The following UNC5B variants were observed in gnomAD, a reference collection of about 807,000 sequenced individuals.
UNC5B encodes the protein unc-5 netrin receptor B.
In UNC5B, 56 loss-of-function variants were observed where a neutral mutation model predicts 103.7. That is an observed-to-expected ratio of 0.54 (90% CI 0.44 to 0.67). UNC5B has a LOEUF of 0.67. Ranked by LOEUF, UNC5B falls within the 30% of genes least tolerant of loss-of-function variation. The pLI, the probability that UNC5B is intolerant of heterozygous loss-of-function variation, is 0.00. For synonymous variants in UNC5B, 577 were observed against 542.0 expected (o/e 1.06, Z -0.90); for missense variants, 1,194 against 1,284.5 (o/e 0.93, Z 1.08).
At chr10:71,249,993 G>T (rs575035296) in intron 1 of UNC5B, among the ~76,000 whole-genome samples, 15 of 152,328 alleles carry the variant, frequency 9.8e-5, no homozygotes, top group Non-Finnish European at 1.9e-4. Context: ...ACAGCCCAGA[G>T]GAGCTAAGTG....
At position 71,285,453 on chromosome 10, in the gene UNC5B, T is replaced by C. The variant is rs1845050689; in HGVS notation, c.552+24T>C. The C allele has an allele frequency of 1.9e-6, 3 of 1,553,810 alleles. No homozygotes were observed. In the African/African-American group the frequency reaches 4.1e-5, roughly 21 times the overall value. The stretch of plus-strand genomic sequence containing the variant: ...AGGTGAGCGGGGACGTAGGGACCAC[T>C]GAGCACGGCCCTGTGGCCATGCCTG... On this transcript the variant is annotated intron_variant, in intron 4 of 16. Coordinates refer to ENST00000335350, the MANE Select transcript of UNC5B (RefSeq NM_170744.5).
chr10:71,262,382 G>T (rs574434859), intron 1 of UNC5B, among the ~76,000 whole-genome samples: 1 of 151,328 alleles, frequency 6.6e-6, no homozygotes, highest in South Asian at 2.1e-4. Flanking sequence ...TGGCTGGGGG[G>T]ATGGGGCAGG....
chr10:71,292,623 C>T, intron 11 of UNC5B, 69 bp downstream of exon 11: 1 of 1,403,830 alleles, frequency 7.1e-7, no homozygotes, highest in East Asian at 2.5e-5. Flanking sequence ...ACACGTGGCT[C>T]CCCTTCTAAG....
At chr10:71,226,205 G>A (rs1174244436) in intron 1 of UNC5B, among the ~76,000 whole-genome samples, 1 of 152,076 alleles carries the variant, frequency 6.6e-6, no homozygotes, top group East Asian at 1.9e-4. Context: ...CTCTCAAGTA[G>A]CTGGGATTAC....
At chr10:71,214,923 C>A (rs1193090802) in intron 1 of UNC5B, among the ~76,000 whole-genome samples, 2 of 152,174 alleles carry the variant, frequency 1.3e-5, no homozygotes, top group Non-Finnish European at 2.9e-5. Context: ...TGATTTCTCA[C>A]CAGCGAGCAG....
chr10:71,276,823 G>A (rs973747976), intron 1 of UNC5B, among the ~76,000 whole-genome samples: 1 of 152,260 alleles, frequency 6.6e-6, no homozygotes, highest in African/African-American at 2.4e-5. Context: ...GGAACCTCAG[G>A]TGGGCCTCTC....
At chr10:71,252,245 T>G (rs1320173247) in intron 1 of UNC5B, among the ~76,000 whole-genome samples, 1 of 152,240 alleles carries the variant, frequency 6.6e-6, no homozygotes, top group East Asian at 1.9e-4. Context: ...TCAAATGGGC[T>G]AACTTTGGGC....
rs189432140 is a variant in UNC5B at position 71,275,294 on chromosome 10, G to A, written c.80-4527G>A. Among the ~76,000 whole-genome samples, 1,015 of 152,336 alleles carry A rather than the reference G, an allele frequency of 6.7e-3. 6 individuals are homozygous for A. The highest frequency in any genetic ancestry group is 0.01 in the Non-Finnish European group (694 of 68,032). ...TCATGTGGGAATTTTCCTGCCAGCA[G>A]GAAACCCAGATCCGGCCTGGCTGAG... is the stretch of plus-strand genomic sequence containing the variant. On this transcript the variant is annotated intron_variant, in intron 1 of 16. Coordinates refer to ENST00000335350, the MANE Select transcript of UNC5B (RefSeq NM_170744.5).
chr10:71,280,102 G>A, intron 2 of UNC5B, 57 bp downstream of exon 2: 1 of 1,577,614 alleles, frequency 6.3e-7, no homozygotes, highest in Non-Finnish European at 8.7e-7. Context: ...AGAGGCACAG[G>A]CCTAGCTCCA....
chr10:71,218,330 G>A (rs1222817119), intron 1 of UNC5B: 1 of 152,374 alleles, frequency 6.6e-6, no homozygotes, highest in Non-Finnish European at 1.5e-5. Flanking sequence ...TGGTGTGTTT[G>A]TGTATAAATA....
intron 1 of UNC5B, among the ~76,000 whole-genome samples, chr10:71,235,899 C>G (rs2132254391): frequency 6.6e-6 from 1 of 152,378 alleles, no homozygotes; most frequent in South Asian, 2.1e-4. Flanking sequence ...GGGATCATCC[C>G]CACCTCGCCC....
intron 1 of UNC5B, among the ~76,000 whole-genome samples, chr10:71,271,233 C>G (rs1347213367): frequency 6.6e-6 from 1 of 152,238 alleles, no homozygotes; most frequent in Non-Finnish European, 1.5e-5. Flanking sequence ...CACGCCCTTT[C>G]ACTCTTCTGC....
intron 1 of UNC5B, among the ~76,000 whole-genome samples, chr10:71,234,362 G>A (rs139814025): frequency 9.1e-4 from 138 of 152,322 alleles, no homozygotes; most frequent in Middle Eastern, 6.8e-3. Flanking sequence ...CCAGGGAATC[G>A]AAGCTTCTTG....
At chr10:71,231,885 G>A (rs527898645) in intron 1 of UNC5B, among the ~76,000 whole-genome samples, 17 of 152,232 alleles carry the variant, frequency 1.1e-4, no homozygotes, top group African/African-American at 3.6e-4. Context: ...TGGCCTGGCC[G>A]TCAGGATCTT....
chr10:71,286,665 G>A, intron 4 of UNC5B, 24 bp from the exon 5 acceptor site: 1 of 1,613,014 alleles, frequency 6.2e-7, no homozygotes. Context: ...GGCCCTCACT[G>A]CCCCCTCACC....
chr10:71,248,865 TCTCACACACACACA>T (rs1191198165), intron 1 of UNC5B, among the ~76,000 whole-genome samples: 4 of 143,094 alleles, frequency 2.8e-5, no homozygotes, highest in African/African-American at 8.0e-5. Flanking sequence ...TCTCTCTCTC[TCTCACACACACACA>T]CACACACACA....
chr10:71,278,137 T>C (rs1844816167), intron 1 of UNC5B, among the ~76,000 whole-genome samples: 1 of 152,260 alleles, frequency 6.6e-6, no homozygotes, highest in African/African-American at 2.4e-5. Context: ...TGGGGTCTAA[T>C]AGAACATACC....
At chr10:71,229,783 C>T (rs1388938847) in intron 1 of UNC5B, among the ~76,000 whole-genome samples, 2 of 152,180 alleles carry the variant, frequency 1.3e-5, no homozygotes, top group Non-Finnish European at 2.9e-5. Flanking sequence ...CGCAGTCTTG[C>T]AGACCCTATA....
intron 1 of UNC5B, among the ~76,000 whole-genome samples, chr10:71,265,882 T>C (rs577305439): frequency 6.6e-6 from 1 of 152,238 alleles, no homozygotes; most frequent in Admixed American, 6.5e-5. Context: ...TGCCTTAGTG[T>C]GATGCCACAC....
Sources: allele counts gnomAD v4.1 joint callset (sites outside exome capture counted in the v4.1 genomes callset), GRCh38; gene constraint gnomAD v4.1.1; transcripts MANE v1.5; gene names NCBI Gene and HGNC (gene_info 2026-07-23, HGNC 2026-07-21).